Variants in SYN3 observed in about 807,000 individuals in gnomAD.
SYN3 encodes synapsin-3.
A neutral mutation model predicts 65.8 loss-of-function variants in SYN3; 35 were observed. That is an observed-to-expected ratio of 0.53 (90% CI 0.41 to 0.70). The LOEUF is 0.70. SYN3 is among the 30% of genes least tolerant of loss of function. The pLI is 0.00. For missense variants in SYN3, 680 were observed against 749.0 expected, an observed-to-expected ratio of 0.91 and a Z score of 1.08; for synonymous variants, 270 against 292.9, an observed-to-expected ratio of 0.92 and a Z score of 0.80.
At chr22:32,608,405 C>T (rs1660119898) in intron 6 of SYN3, among the ~76,000 whole-genome samples, 1 of 152,178 alleles carries the variant, frequency 6.6e-6, no homozygotes, top group South Asian at 2.1e-4. Flanking sequence ...AATTACTGTT[C>T]TTCTTAGTTA....
chr22:32,680,140 C>A lies in SYN3; in HGVS notation c.712-83404G>T, dbSNP rs371463786. 6.5e-3 allele frequency among the ~76,000 whole-genome samples: 994 copies of A among 152,014 alleles called. 7 individuals carry two copies. Among genetic ancestry groups the A allele is most frequent in the African/African-American group, 0.022 (921 of 41,452 alleles). ...TTATTGATTTCTACTTCTAAAAGTC[C>A]TTCTTTATTTACTTCTAAACTACAG... On this transcript the variant is annotated intron_variant, in intron 6 of 13. Coordinates refer to ENST00000358763, the MANE Select transcript of SYN3 (RefSeq NM_003490.4).
At chr22:32,925,229 A>G (rs2050437489) in intron 4 of SYN3, among the ~76,000 whole-genome samples, 2 of 152,096 alleles carry the variant, frequency 1.3e-5, no homozygotes, top group Admixed American at 1.3e-4. Flanking sequence ...TTCCAACATC[A>G]CAGGGTGTTT....
chr22:33,042,812 T>C lies in SYN3; in HGVS notation c.-163+15480A>G, dbSNP rs142407106. On this transcript the variant is annotated intron_variant, in intron 1 of 13. Coordinates refer to ENST00000358763, the MANE Select transcript of SYN3 (RefSeq NM_003490.4). ...TCTTGAGTAGGAGTCAGGTTAGAAC[T>C]GAGCAGCTCTCCCACCCCTAAACTG... is the stretch of plus-strand genomic sequence containing the variant. 7.2e-5 allele frequency among the ~76,000 whole-genome samples: 11 copies of C among 152,292 alleles called. No homozygotes were observed. In the East Asian group the frequency reaches 1.9e-3, roughly 27 times the overall value.
At chr22:32,907,362 T>C (rs887117017) in intron 4 of SYN3, among the ~76,000 whole-genome samples, 1 of 152,218 alleles carries the variant, frequency 6.6e-6, no homozygotes, top group Non-Finnish European at 1.5e-5. Context: ...ATTCCCAAGC[T>C]TGACCTCTAA....
At chr22:32,894,978 T>C (rs1000894562) in intron 4 of SYN3, among the ~76,000 whole-genome samples, 3 of 152,178 alleles carry the variant, frequency 2.0e-5, no homozygotes, top group Non-Finnish European at 4.4e-5. Context: ...AAGAGGCAGA[T>C]GAAAAATATT....
intron 5 of SYN3, among the ~76,000 whole-genome samples, chr22:32,866,617 A>G: frequency 6.6e-6 from 1 of 152,180 alleles, no homozygotes; most frequent in Non-Finnish European, 1.5e-5. Flanking sequence ...GGCTCAGGAT[A>G]GCACACGGCT....
In SYN3 at chr22:32,510,816, G is replaced by C. The variant is rs902091127; in HGVS notation, c.*2876C>G. Among the ~76,000 whole-genome samples, 2 of 152,108 alleles carry C rather than the reference G, an allele frequency of 1.3e-5. No homozygotes were observed. Among genetic ancestry groups the C allele is most frequent in the Non-Finnish European group, 2.9e-5 (2 of 68,018 alleles). On this transcript the variant is annotated 3_prime_UTR_variant, in exon 14 of 14. Coordinates refer to ENST00000358763, the MANE Select transcript of SYN3 (RefSeq NM_003490.4). ...AGGAACCTTCCAGTCTGAGAGGCTG[G>C]TATTCTGGTTCTTTCATCGTGTGAC...
intron 6 of SYN3, among the ~76,000 whole-genome samples, chr22:32,654,839 T>C (rs938446572): frequency 6.6e-6 from 1 of 152,254 alleles, no homozygotes; most frequent in African/African-American, 2.4e-5. Context: ...ATATTCTAGG[T>C]GCTTGTCCCT....
In SYN3 at chr22:32,837,346, C is replaced by T. The variant is rs527313173; in HGVS notation, c.711+27569G>A. On this transcript the variant is annotated intron_variant, in intron 6 of 13. Transcript: ENST00000358763. This position sits in a 1 kb window ranked among gnomAD's most constrained non-coding sequence, Gnocchi z 4.1. ...TAGGGGGTGGTCTCAGCCCCCCTCA[C>T]CGAGTGCACTTGCATGGCAGTAAGC... Among the ~76,000 whole-genome samples, 19 of 152,266 alleles carry T rather than the reference C, an allele frequency of 1.2e-4. No individual in the cohort carries two copies. In the South Asian group the frequency reaches 3.5e-3, roughly 28 times the overall value.
At chr22:32,658,044 G>A (rs2060166264) in intron 6 of SYN3, among the ~76,000 whole-genome samples, 1 of 152,236 alleles carries the variant, frequency 6.6e-6, no homozygotes, top group Non-Finnish European at 1.5e-5. Context: ...CCTTGTTAAA[G>A]CCTCTGGGAT....
At chr22:32,768,133 C>T (rs941735251) in intron 6 of SYN3, among the ~76,000 whole-genome samples, 11 of 152,142 alleles carry the variant, frequency 7.2e-5, no homozygotes, top group Non-Finnish European at 1.0e-4. Context: ...TTCCTTCATG[C>T]CCCCTATCTT....
intron 3 of SYN3, among the ~76,000 whole-genome samples, chr22:32,940,931 A>G (rs11089598): frequency 6.6e-6 from 1 of 152,194 alleles, no homozygotes; most frequent in African/African-American, 2.4e-5. Context: ...ATACACATGG[A>G]CACTGGTCAA....
intron 1 of SYN3, among the ~76,000 whole-genome samples, chr22:33,028,670 GTGGTGGTGGTGGTGGTGGTGA>G (rs1428101425): frequency 0.084 from 9,925 of 117,804 alleles, 539 homozygotes; most frequent in Non-Finnish European, 0.11. Flanking sequence ...GGTGGTGGTG[GTGGTGGTGGTGGTGGTGGTGA>G]TGGTGGTGGT....
At chr22:32,745,637 C>G (rs1466506745) in intron 6 of SYN3, among the ~76,000 whole-genome samples, 2 of 152,148 alleles carry the variant, frequency 1.3e-5, no homozygotes, top group Admixed American at 6.5e-5. Context: ...TATTTGGCAC[C>G]TCCAAGTACC....
intron 2 of SYN3, among the ~76,000 whole-genome samples, chr22:32,987,537 G>T (rs1569381117): frequency 6.6e-6 from 1 of 152,132 alleles, no homozygotes. Context: ...AGTCCTCCAT[G>T]CAATTAGCAA....
chr22:33,009,636 A>G (rs1452560068), intron 1 of SYN3, among the ~76,000 whole-genome samples: 1 of 151,966 alleles, frequency 6.6e-6, no homozygotes, highest in Non-Finnish European at 1.5e-5. Flanking sequence ...TGAATTGTTT[A>G]TTTGAGATAA....
chr22:32,820,242 C>CTGTGTG (rs3054173), intron 6 of SYN3, among the ~76,000 whole-genome samples: 93 of 148,994 alleles, frequency 6.2e-4, no homozygotes, highest in Non-Finnish European at 1.0e-3. Flanking sequence ...CCTTTCTCCC[C>CTGTGTG]TGTGTGTGTG....
intron 6 of SYN3, among the ~76,000 whole-genome samples, chr22:32,726,404 G>T (rs112721692): frequency 0.012 from 1,783 of 152,296 alleles, 32 homozygotes; most frequent in African/African-American, 0.039. Context: ...GCCTCCCAAA[G>T]TGCTGGGATT....
intron 3 of SYN3, among the ~76,000 whole-genome samples, chr22:32,962,855 T>C (rs2051700091): frequency 6.6e-6 from 1 of 150,850 alleles, no homozygotes; most frequent in Non-Finnish European, 1.5e-5. Context: ...TATCTATCTG[T>C]CTGTCTTACC....
Sources: gnomAD v4.1 joint callset for allele counts (sites outside exome capture counted in the v4.1 genomes callset) on GRCh38, gnomAD v4.1.1 for gene constraint, Gnocchi (gnomAD v3.1) non-coding constraint, MANE v1.5 for transcripts, NCBI Gene and HGNC (gene_info 2026-07-23, HGNC 2026-07-21) for gene names.